The following PAMR1 variants were observed in gnomAD, a reference collection of about 807,000 sequenced individuals.
The protein encoded by PAMR1 is inactive serine protease PAMR1.
Under a neutral mutation model 81.8 loss-of-function variants are expected in PAMR1, and 88 were observed. That is an observed-to-expected ratio of 1.08 (90% confidence interval 0.91 to 1.28). The LOEUF is 1.28. PAMR1 is among the 50% of genes most tolerant of loss of function. PAMR1 has a pLI of 0.00. For missense variants in PAMR1, 935 were observed against 919.7 expected, an observed-to-expected ratio of 1.02 and a Z score of -0.21; for synonymous variants, 336 against 345.3, an observed-to-expected ratio of 0.97 and a Z score of 0.30.
rs146058819 is a variant in PAMR1 at position 35,432,599 on chromosome 11, T to C, written c.1920A>G (p.Pro640=). The C allele has an allele frequency of 3.1e-5, 50 of 1,614,118 alleles. 1 individual carries two copies. The African/African-American group carries it at 6.5e-4, about 21-fold the overall frequency. ...CEEQHEDHGI[P]VSVTDNMFCA... ...AGAACATGTTATCAGTGACACTCAC[T>C]GGGATGCCATGGTCCTCATGCTGCT... The change falls in exon 11 of 11, where the codon CCA becomes CCG. Residue 640 remains proline (P), a synonymous_variant. Coordinates refer to ENST00000619888, the MANE Select transcript of PAMR1 (RefSeq NM_001001991.3).
intron 4 of PAMR1, among the ~76,000 whole-genome samples, chr11:35,474,415 G>A (rs1850246887): frequency 6.6e-6 from 1 of 152,182 alleles, no homozygotes. Context: ...TTATCCTTGG[G>A]TCAAAATCAT....
chr11:35,468,594 C>T (rs895242284), intron 5 of PAMR1, among the ~76,000 whole-genome samples: 2 of 152,072 alleles, frequency 1.3e-5, no homozygotes, highest in Admixed American at 6.6e-5. Context: ...ATCATTAGTC[C>T]CTTGAGATGT....
In PAMR1 at chr11:35,432,991, A is replaced by T. The variant is rs1048755184; in HGVS notation, c.1627-99T>A. 338 of 974,170 alleles carry T rather than the reference A, an allele frequency of 3.5e-4. 1 individual carries two copies. The highest frequency in any genetic ancestry group is 3.3e-4 in the Middle Eastern group (1 of 3,052). 60.3% of individuals were successfully genotyped at this position (974,170 alleles called of 1,614,324 possible). ...GCTAAATTTTTGGGAGAAAATGTCT[A>T]AGAGGCAGCTACAATTATTTGGAGA... On this transcript the variant is annotated intron_variant, in intron 10 of 10. Transcript: ENST00000619888.
chr11:35,489,130 A>C (rs1273226226), intron 3 of PAMR1, among the ~76,000 whole-genome samples: 1 of 151,884 alleles, frequency 6.6e-6, no homozygotes, highest in Non-Finnish European at 1.5e-5. Flanking sequence ...TCATGCTTCC[A>C]TCTATAACAG....
In PAMR1 at chr11:35,496,801, A is replaced by G. The variant is rs190545266; in HGVS notation, c.74-2529T>C. ...AGAGACTCAGAGATACTTGTATGCC[A>G]ATGTTCATTCACAATAGCCAAAAGG... On this transcript the variant is annotated intron_variant, in intron 1 of 10. Transcript: ENST00000619888. Among the ~76,000 whole-genome samples, 292 of 152,358 alleles carry G rather than the reference A, an allele frequency of 1.9e-3. 4 individuals carry two copies. Among genetic ancestry groups the G allele is most frequent in the Non-Finnish European group, 2.5e-4 (17 of 68,038 alleles).
upstream of PAMR1, among the ~76,000 whole-genome samples, chr11:35,527,936 T>A (rs1438235831): frequency 6.6e-6 from 1 of 152,144 alleles, no homozygotes; most frequent in Non-Finnish European, 1.5e-5. Flanking sequence ...ACTGTCCCCA[T>A]GATTCAACTA....
chr11:35,488,269 G>A (rs1462085114), intron 3 of PAMR1, among the ~76,000 whole-genome samples: 1 of 138,052 alleles, frequency 7.2e-6, no homozygotes, highest in Non-Finnish European at 1.5e-5. Flanking sequence ...AGGCTGGAAT[G>A]CAGTGGTGTA....
At chr11:35,461,413 AAAT>A (rs1328141567) in intron 6 of PAMR1, among the ~76,000 whole-genome samples, 8 of 152,148 alleles carry the variant, frequency 5.3e-5, no homozygotes, top group African/African-American at 1.9e-4. Context: ...GTCCATGCTG[AAAT>A]AATTCCTGAG....
In PAMR1 at chr11:35,499,311, T is replaced by C. The variant is rs74687261; in HGVS notation, c.74-5039A>G. 0.017 allele frequency among the ~76,000 whole-genome samples: 2,547 copies of C among 152,256 alleles called. 156 individuals carry two copies. In the East Asian group the frequency reaches 0.18, roughly 11 times the overall value. ...CCAGCCCCCACCCTGTACAGATGTA[T>C]GTTCGTTCCACTCTCTGAACAGCGA... On this transcript the variant is annotated intron_variant, in intron 1 of 10. Transcript: ENST00000619888.
At chr11:35,491,369 G>T (rs1850622024) in intron 3 of PAMR1, among the ~76,000 whole-genome samples, 1 of 152,122 alleles carries the variant, frequency 6.6e-6, no homozygotes, top group African/African-American at 2.4e-5. Context: ...CATTCTAACT[G>T]CTTCTGATTC....
chr11:35,507,223 T>C (rs1375097573), intron 1 of PAMR1, among the ~76,000 whole-genome samples: 1 of 151,892 alleles, frequency 6.6e-6, no homozygotes, highest in East Asian at 1.9e-4. Flanking sequence ...AATTTTGCAT[T>C]TTTAGTAGAG....
At chr11:35,482,210 G>A (rs1850409291) in intron 3 of PAMR1, among the ~76,000 whole-genome samples, 1 of 152,154 alleles carries the variant, frequency 6.6e-6, no homozygotes, top group African/African-American at 2.4e-5. Flanking sequence ...GTTAATTTTT[G>A]TATAAGATGT....
chr11:35,484,560 G>T (rs1034569596), intron 3 of PAMR1, among the ~76,000 whole-genome samples: 10 of 152,166 alleles, frequency 6.6e-5, no homozygotes, highest in African/African-American at 2.4e-4. Context: ...CTCAGGAATC[G>T]GCCTGCACAA....
intron 6 of PAMR1, among the ~76,000 whole-genome samples, chr11:35,444,500 A>G (rs1185560130): frequency 6.6e-6 from 1 of 152,046 alleles, no homozygotes; most frequent in African/African-American, 2.4e-5. Flanking sequence ...TCATTTTTCC[A>G]TCTTGAGTTA....
At chr11:35,498,556 G>T (rs116882455) in intron 1 of PAMR1, among the ~76,000 whole-genome samples, 1 of 152,188 alleles carries the variant, frequency 6.6e-6, no homozygotes, top group African/African-American at 2.4e-5. Flanking sequence ...ATTTCTCAAG[G>T]ATATGGTTTT....
intron 1 of PAMR1, among the ~76,000 whole-genome samples, chr11:35,512,336 T>C (rs1851089046): frequency 6.6e-6 from 1 of 152,096 alleles, no homozygotes; most frequent in South Asian, 2.1e-4. Context: ...AACCTCCCTT[T>C]GAGGTAGGTT....
rs1235206248 is a variant in PAMR1 at position 35,436,756 on chromosome 11, A to G, written c.1101-621T>C. Among the ~76,000 whole-genome samples the G allele has an allele frequency of 4.0e-5, 6 of 151,854 alleles. No individual in the cohort carries two copies. In the East Asian group the frequency reaches 1.2e-3, roughly 29 times the overall value. On this transcript the variant is annotated intron_variant, in intron 8 of 10. Transcript: ENST00000619888. Reference sequence around the variant, plus strand: ...ATCTTCATTTTATGTCTCCATGTCTATTACTGGCATGATTCCAACTGCTTA... The same window carrying G: ...ATCTTCATTTTATGTCTCCATGTCTGTTACTGGCATGATTCCAACTGCTTA...
chr11:35,437,213 TG>T (rs1203931134), intron 8 of PAMR1, among the ~76,000 whole-genome samples: 1 of 152,202 alleles, frequency 6.6e-6, no homozygotes, highest in African/African-American at 2.4e-5. Context: ...ACCTAATGAC[TG>T]TCACCTGAAA....
intron 1 of PAMR1, among the ~76,000 whole-genome samples, chr11:35,516,578 G>A (rs753528523): frequency 9.8e-5 from 15 of 152,298 alleles, no homozygotes; most frequent in Non-Finnish European, 1.6e-4. Flanking sequence ...GGGAAAAACC[G>A]TGTTGCATGA....
Sources: gnomAD v4.1 joint callset for allele counts (sites outside exome capture counted in the v4.1 genomes callset) on GRCh38, gnomAD v4.1.1 for gene constraint, MANE v1.5 for transcripts, NCBI Gene and HGNC (gene_info 2026-07-23, HGNC 2026-07-21) for gene names.